NLRP4: variants seen among roughly 807,000 people sequenced by gnomAD.
The protein encoded by NLRP4 is NLR family pyrin domain containing 4, also known as NACHT, LRR and PYD domains-containing protein 4.
NLRP4 carries 44 observed loss-of-function variants against 84.7 expected under a neutral mutation model. The observed-to-expected ratio is 0.52, with a 90% CI of 0.41 to 0.67. The LOEUF is 0.67. Among genes scored for constraint, NLRP4 ranks in the 30% least tolerant of loss-of-function variants. The pLI is 0.00. For missense variants in NLRP4, 1,260 were observed against 1,219.4 expected, an observed-to-expected ratio of 1.03 and a Z score of -0.50; for synonymous variants, 544 against 476.4, an observed-to-expected ratio of 1.14 and a Z score of -1.85.
intron 2 of NLRP4, among the ~76,000 whole-genome samples, chr19:55,853,416 A>AG (rs1420654232): frequency 6.6e-6 from 1 of 152,164 alleles, no homozygotes; most frequent in African/African-American, 2.4e-5. Context: ...TGTTTGACAC[A>AG]GGGTCTGGCT....
chr19:55,856,511 C>CT (rs71182923), intron 2 of NLRP4, among the ~76,000 whole-genome samples: 1,639 of 112,168 alleles, frequency 0.015, 30 homozygotes, highest in South Asian at 0.028. Flanking sequence ...GTTGCTGGAT[C>CT]TTTTTTTTTT....
rs192390398 is a variant in NLRP4, at chr19:55,844,723, T to C, written c.-65-7293T>C. On this transcript the variant is annotated intron_variant, in intron 1 of 9. Coordinates refer to ENST00000301295, the MANE Select transcript of NLRP4 (RefSeq NM_134444.5). ...ACAAGCCCAGACTTCAGTTGCACTT[T>C]GTGACCTCCAGTGTAACTCATTGTA... is the stretch of plus-strand genomic sequence containing the variant. 3.8e-3 allele frequency among the ~76,000 whole-genome samples: 572 copies of C among 152,328 alleles called. 6 individuals carry two copies. The highest frequency in any genetic ancestry group is 0.013 in the African/African-American group (550 of 41,576).
intron 2 of NLRP4, among the ~76,000 whole-genome samples, chr19:55,853,755 TTCTCTTTCTC>T (rs1449088580): frequency 1.3e-5 from 2 of 148,796 alleles, no homozygotes; most frequent in African/African-American, 5.1e-5. Flanking sequence ...TTCTTTCTCT[TTCTCTTTCTC>T]TCTCTCTCTC....
intron 8 of NLRP4, among the ~76,000 whole-genome samples, chr19:55,877,619 C>T (rs1016612118): frequency 2.6e-5 from 4 of 152,088 alleles, no homozygotes; most frequent in African/African-American, 4.8e-5. Flanking sequence ...TATCACTTCA[C>T]GGTTATGGAG....
At chr19:55,846,235 C>T (rs1214488252) in intron 1 of NLRP4, among the ~76,000 whole-genome samples, 1 of 152,216 alleles carries the variant, frequency 6.6e-6, no homozygotes, top group Admixed American at 6.5e-5. Flanking sequence ...CAGCTTTCTA[C>T]TTACGGCTAG....
chr19:55,852,604 G>A (rs1013902620), intron 2 of NLRP4, among the ~76,000 whole-genome samples: 1 of 151,618 alleles, frequency 6.6e-6, no homozygotes, highest in Non-Finnish European at 1.5e-5. Flanking sequence ...AGCCTCCTGA[G>A]TAGCTGGAAT....
intron 4 of NLRP4, among the ~76,000 whole-genome samples, 181 bp downstream of exon 4, chr19:55,861,728 G>A (rs116599610): frequency 0.014 from 2,096 of 152,226 alleles, 30 homozygotes; most frequent in African/African-American, 0.041. Flanking sequence ...TGTTCTGTGC[G>A]TTGTAGGGTG....
intron 2 of NLRP4, among the ~76,000 whole-genome samples, chr19:55,854,465 C>G (rs941505918): frequency 5.3e-5 from 8 of 152,070 alleles, no homozygotes; most frequent in Non-Finnish European, 1.2e-4. Context: ...GTCATACAGT[C>G]TCCTAGTATG....
In NLRP4 at chr19:55,859,513, A is replaced by G. The variant is rs80094215; in HGVS notation, c.1856+264A>G. On this transcript the variant is annotated intron_variant, in intron 3 of 9. Transcript: ENST00000301295. ...GGAGTGAATATGAGGACCTGTGTGAAGAGTGTTTCCTACTTTCTCAAGTAT... is the reference window on the plus strand; with the variant it reads ...GGAGTGAATATGAGGACCTGTGTGAGGAGTGTTTCCTACTTTCTCAAGTAT... Among the ~76,000 whole-genome samples the G allele has an allele frequency of 1.1e-4, 16 of 152,296 alleles. No individual in the cohort carries two copies. In the East Asian group the frequency reaches 1.7e-3, roughly 17 times the overall value.
rs149497234 is a variant in NLRP4 at position 55,870,886 on chromosome 19, G to A, written c.2414G>A (p.Arg805His). Reference sequence around the variant, plus strand: ...GAATACATCTCTGAAATGCTTCTGCGTAACAAGAGCGTGCGCTATCTAGAC... The same window carrying A: ...GAATACATCTCTGAAATGCTTCTGCATAACAAGAGCGTGCGCTATCTAGAC... The part of the protein sequence containing the change: ...CCEYISEMLL[R>H]NKSVRYLDLS... Residue 805 changes from arginine (R) to histidine (H), a missense_variant, in exon 7 of 10, where the codon CGT becomes CAT. Transcript: ENST00000301295. 7.3e-4 allele frequency: 1,171 copies of A among 1,614,090 alleles called. 1 individual carries two copies. The highest frequency in any genetic ancestry group is 9.4e-4 in the Non-Finnish European group (1,106 of 1,179,950).
rs1432333560 is a variant in NLRP4 at position 55,881,798 on chromosome 19, G to A, written c.*211G>A. On this transcript the variant is annotated 3_prime_UTR_variant, in exon 10 of 10. Coordinates refer to ENST00000301295, the MANE Select transcript of NLRP4 (RefSeq NM_134444.5). ...CACTGAAAGGCCTTCATGGTCTCTC[G>A]GTCTCACAAGGACCTCTTAACCCCT... 12 of 387,256 alleles carry A rather than the reference G, an allele frequency of 3.1e-5. No individual in the cohort carries two copies. Among genetic ancestry groups the A allele is most frequent in the Admixed American group, 4.3e-5 (1 of 23,080 alleles). 24.0% of individuals were successfully genotyped at this position (387,256 alleles called of 1,614,324 possible).
chr19:55,851,430 C>T (rs1984133017), intron 1 of NLRP4, among the ~76,000 whole-genome samples: 1 of 43,906 alleles, frequency 2.3e-5, no homozygotes, highest in African/African-American at 3.8e-4. Context: ...GTGTAATTTA[C>T]GAGGCTGCGG....
chr19:55,872,285 T>C (rs2043690), intron 7 of NLRP4, among the ~76,000 whole-genome samples: 70,438 of 151,942 alleles, frequency 0.46, 16,896 homozygotes, highest in East Asian at 0.68. Context: ...AAGAGCAAAT[T>C]GTCTCAGGAG....
At chr19:55,873,821 C>G (rs1297001806) in intron 7 of NLRP4, among the ~76,000 whole-genome samples, 1 of 152,070 alleles carries the variant, frequency 6.6e-6, no homozygotes, top group African/African-American at 2.4e-5. Context: ...TAATTACTTC[C>G]CATATAGAGT....
chr19:55,879,980 A>G (rs1236467076), intron 9 of NLRP4, among the ~76,000 whole-genome samples: 2 of 152,018 alleles, frequency 1.3e-5, no homozygotes, highest in Non-Finnish European at 2.9e-5. Context: ...AATTACATAT[A>G]ATCCCACAAA....
At chr19:55,847,083 C>T (rs1973743284) in intron 1 of NLRP4, among the ~76,000 whole-genome samples, 1 of 152,044 alleles carries the variant, frequency 6.6e-6, no homozygotes, top group African/African-American at 2.4e-5. Context: ...TGGCTACTTT[C>T]CCCTAATTTT....
At chr19:55,870,535 T>C (rs1985134694) in intron 6 of NLRP4, among the ~76,000 whole-genome samples, 1 of 152,110 alleles carries the variant, frequency 6.6e-6, no homozygotes, top group South Asian at 2.1e-4. Flanking sequence ...TGGTTGTGGG[T>C]GCCTGTAATC....
At chr19:55,857,457 C>G (rs531954766) in intron 2 of NLRP4, 1 of 577,804 alleles carries the variant, frequency 1.7e-6, no homozygotes, top group South Asian at 2.4e-5. Context: ...CTGTTCAGCT[C>G]TGCTATTCAA....
intron 8 of NLRP4, among the ~76,000 whole-genome samples, chr19:55,878,481 A>AAAAAAGGTAT (rs1446007915): frequency 3.3e-5 from 5 of 151,768 alleles, no homozygotes; most frequent in Non-Finnish European, 7.4e-5. Flanking sequence ...TTGTTATCTG[A>AAAAAAGGTAT]GACGGCTTCA....
Sources: allele counts gnomAD v4.1 joint callset (sites outside exome capture counted in the v4.1 genomes callset), GRCh38; gene constraint gnomAD v4.1.1; transcripts MANE v1.5; gene names NCBI Gene and HGNC (gene_info 2026-07-23, HGNC 2026-07-21).